CMSS1: variants seen among roughly 807,000 people sequenced by gnomAD.
The protein encoded by CMSS1 is cms1 ribosomal small subunit homolog, also known as protein CMSS1.
Under a neutral mutation model 43.5 loss-of-function variants are expected in CMSS1, and 33 were observed. The ratio of observed to expected loss-of-function variants is 0.76; its 90% CI spans 0.57 to 1.01. The LOEUF (loss-of-function observed/expected upper bound fraction) is 1.01, where lower values mean the gene tolerates loss of function less well. CMSS1 is among the 50% of genes least tolerant of loss of function. CMSS1 has a pLI of 0.00. For synonymous variants in CMSS1, 115 were observed against 117.2 expected (o/e 0.98, Z 0.12); for missense variants, 313 against 326.4 (o/e 0.96, Z 0.32).
chr3:100,144,687 G>A (rs762570071), intron 1 of CMSS1, among the ~76,000 whole-genome samples: 2 of 152,174 alleles, frequency 1.3e-5, no homozygotes. Context: ...AGTGGTTATT[G>A]TCTGAAAGGT....
At chr3:100,127,735 G>A (rs2066674268) in intron 1 of CMSS1, among the ~76,000 whole-genome samples, 2 of 152,190 alleles carry the variant, frequency 1.3e-5, no homozygotes, top group Non-Finnish European at 2.9e-5. Flanking sequence ...GGAATGGAGG[G>A]CGTGGAGACA....
chr3:100,048,808 C>A (rs982161957), intron 1 of CMSS1, among the ~76,000 whole-genome samples: 1 of 151,986 alleles, frequency 6.6e-6, no homozygotes, highest in African/African-American at 2.4e-5. Context: ...CATTTTCTTT[C>A]TGCTTCTAAA....
At chr3:99,826,266 A>G (rs1032835728) in intron 1 of CMSS1, among the ~76,000 whole-genome samples, 3 of 152,316 alleles carry the variant, frequency 2.0e-5, no homozygotes, top group South Asian at 4.1e-4. Context: ...TAGTTGATCA[A>G]GCTCTTAAAT....
intron 1 of CMSS1, among the ~76,000 whole-genome samples, chr3:99,846,912 G>A (rs563905673): frequency 6.6e-6 from 1 of 152,158 alleles, no homozygotes; most frequent in Non-Finnish European, 1.5e-5. Flanking sequence ...GTCTGAAATC[G>A]TCGTTTTGGA....
chr3:100,092,885 C>A (rs963153728), intron 1 of CMSS1, among the ~76,000 whole-genome samples: 2 of 151,384 alleles, frequency 1.3e-5, no homozygotes, highest in African/African-American at 2.4e-5. Flanking sequence ...GAGTTAACAG[C>A]GGGGACTTTC....
chr3:100,077,907 C>CA (rs975837604), intron 1 of CMSS1, among the ~76,000 whole-genome samples: 4 of 151,018 alleles, frequency 2.6e-5, no homozygotes, highest in Non-Finnish European at 4.4e-5. Context: ...GACCCTGTCT[C>CA]AAAAAAAATA....
intron 1 of CMSS1, among the ~76,000 whole-genome samples, chr3:100,117,848 T>TATAA (rs1553715629): frequency 1.1e-5 from 1 of 91,508 alleles, no homozygotes; most frequent in Non-Finnish European, 2.2e-5. Context: ...TATATATATA[T>TATAA]ATATACATAT....
chr3:100,030,500 T>C (rs1444893550), intron 1 of CMSS1, among the ~76,000 whole-genome samples: 1 of 152,212 alleles, frequency 6.6e-6, no homozygotes, highest in African/African-American at 2.4e-5. Flanking sequence ...TTCTCATTCA[T>C]GCATGTCTCA....
intron 1 of CMSS1, chr3:99,850,873 T>A: frequency 6.2e-7 from 1 of 1,614,210 alleles, no homozygotes; most frequent in Non-Finnish European, 8.5e-7. Flanking sequence ...ATGTGTTTCC[T>A]TTGCATTTGT....
intron 1 of CMSS1, among the ~76,000 whole-genome samples, chr3:99,864,975 T>A (rs1427520739): frequency 6.6e-6 from 1 of 152,204 alleles, no homozygotes; most frequent in Non-Finnish European, 1.5e-5. Flanking sequence ...AATACTATAT[T>A]TCTGGTAGGG....
chr3:100,167,803 A>G lies in CMSS1; in HGVS notation c.481A>G (p.Ile161Val), dbSNP rs2067077237. The change falls in exon 6 of 10, where the codon ATC (isoleucine) becomes GTC (valine). Residue 161 changes from isoleucine (I) to valine (V), a missense_variant. Transcript: ENST00000421999. ...GAAGAAATCGGTCCTGATGCTGATC[A>G]TCTGCAGCTCGGCCGTCCGAGCCCT... is the stretch of plus-strand genomic sequence containing the variant. ...SEKKSVLMLI[I>V]CSSAVRALEL... is the part of the protein sequence containing the mutation. 5 of 1,613,362 alleles carry G rather than the reference A, an allele frequency of 3.1e-6. No individual in the cohort carries two copies. The highest frequency in any genetic ancestry group is 3.3e-4 in the Middle Eastern group (2 of 6,056).
At chr3:99,841,825 T>TA (rs1438378114) in intron 1 of CMSS1, among the ~76,000 whole-genome samples, 1 of 152,030 alleles carries the variant, frequency 6.6e-6, no homozygotes, top group African/African-American at 2.4e-5. Context: ...TCAAAAAAAT[T>TA]AAAAAATAAT....
chr3:99,831,435 A>G (rs1942666368), intron 1 of CMSS1, among the ~76,000 whole-genome samples: 1 of 152,218 alleles, frequency 6.6e-6, no homozygotes, highest in Non-Finnish European at 1.5e-5. Context: ...TTTTATAGTA[A>G]GTATGCTATG....
In CMSS1 at chr3:99,983,190, C is replaced by G. The variant is rs1312031740; in HGVS notation, c.65-163783C>G. Among the ~76,000 whole-genome samples, 3 of 151,350 alleles carry G rather than the reference C, an allele frequency of 2.0e-5. No homozygotes were observed. In the Admixed American group the frequency reaches 2.0e-4, roughly 10 times the overall value. On this transcript the variant is annotated intron_variant, in intron 1 of 9. Transcript: ENST00000421999. ...TCTCAGGGATATTGTTATCTAACTTCTTTGAATTACTGAAGTAGCCAAGAA... is the reference window on the plus strand; with the variant it reads ...TCTCAGGGATATTGTTATCTAACTTGTTTGAATTACTGAAGTAGCCAAGAA...
intron 1 of CMSS1, among the ~76,000 whole-genome samples, chr3:99,991,919 T>A (rs1709528473): frequency 6.7e-6 from 1 of 149,732 alleles, no homozygotes; most frequent in Non-Finnish European, 1.5e-5. Flanking sequence ...TATATAGGTA[T>A]ATATACACAC....
intron 1 of CMSS1, among the ~76,000 whole-genome samples, chr3:100,035,321 T>G (rs989986169): frequency 7.2e-5 from 11 of 152,208 alleles, no homozygotes; most frequent in Non-Finnish European, 1.5e-4. Flanking sequence ...TCACCCAGGC[T>G]GGAGTTCAAT....
At chr3:99,904,793 C>G (rs1177318300) in intron 1 of CMSS1, among the ~76,000 whole-genome samples, 1 of 152,156 alleles carries the variant, frequency 6.6e-6, no homozygotes, top group African/African-American at 2.4e-5. Flanking sequence ...AATCTTCAAT[C>G]TCAGTTGGCT....
chr3:100,092,329 T>C (rs1227223830), intron 1 of CMSS1, among the ~76,000 whole-genome samples: 6 of 152,134 alleles, frequency 3.9e-5, no homozygotes, highest in Admixed American at 3.9e-4. Flanking sequence ...TTTCCCGTCA[T>C]AGCATATTTT....
intron 1 of CMSS1, among the ~76,000 whole-genome samples, chr3:100,110,954 C>T (rs929447943): frequency 2.6e-5 from 4 of 152,120 alleles, no homozygotes; most frequent in Non-Finnish European, 4.4e-5. Context: ...TACTAATATA[C>T]TATACTGTTC....
Sources: allele counts gnomAD v4.1 joint callset (sites outside exome capture counted in the v4.1 genomes callset), GRCh38; gene constraint gnomAD v4.1.1; transcripts MANE v1.5; gene names NCBI Gene and HGNC (gene_info 2026-07-23, HGNC 2026-07-21).